CNTN4: variants seen among roughly 807,000 people sequenced by gnomAD.
CNTN4 encodes the protein contactin 4.
CNTN4 carries 77 observed loss-of-function variants against 122.5 expected under a neutral mutation model. That is an observed-to-expected ratio of 0.63 (90% CI 0.52 to 0.76). The LOEUF (loss-of-function observed/expected upper bound fraction) is 0.76. Ranked by LOEUF, CNTN4 falls within the 30% of genes least tolerant of loss-of-function variation. The pLI is 0.00. For missense variants in CNTN4, 1,256 were observed against 1,259.1 expected (o/e 1.00, Z 0.04); for synonymous variants, 512 against 447.0 (o/e 1.15, Z -1.83).
chr3:2,758,266 T>C (rs966484012), intron 6 of CNTN4, among the ~76,000 whole-genome samples: 1 of 152,180 alleles, frequency 6.6e-6, no homozygotes, highest in Non-Finnish European at 1.5e-5. Flanking sequence ...TGATAAGTGC[T>C]GAATAAATAT....
chr3:2,990,938 C>T (rs150283679), intron 14 of CNTN4, among the ~76,000 whole-genome samples: 85 of 152,180 alleles, frequency 5.6e-4, no homozygotes, highest in African/African-American at 2.0e-3. Flanking sequence ...CACTAGTTTT[C>T]CACTAACGGC....
At chr3:2,428,802 TC>T (rs1298387976) in intron 3 of CNTN4, among the ~76,000 whole-genome samples, 8 of 152,322 alleles carry the variant, frequency 5.3e-5, no homozygotes, top group Middle Eastern at 3.4e-3. Context: ...AAACTTCTCT[TC>T]TTGCTTCATT....
At chr3:2,971,906 T>C (rs1165120001) in intron 13 of CNTN4, among the ~76,000 whole-genome samples, 1 of 152,198 alleles carries the variant, frequency 6.6e-6, no homozygotes, top group African/African-American at 2.4e-5. Flanking sequence ...TTTTCGGAAG[T>C]GCACTTTACA....
intron 13 of CNTN4, among the ~76,000 whole-genome samples, chr3:2,968,061 C>G (rs1027900848): frequency 2.6e-4 from 39 of 152,188 alleles, no homozygotes; most frequent in African/African-American, 9.4e-4. Context: ...CAGATGGTAT[C>G]AGCTGGAACA....
chr3:2,769,750 A>T (rs986410787), intron 6 of CNTN4, among the ~76,000 whole-genome samples: 1 of 152,198 alleles, frequency 6.6e-6, no homozygotes, highest in Non-Finnish European at 1.5e-5. Context: ...CATACAGATG[A>T]TAGAATGGGT....
intron 2 of CNTN4, among the ~76,000 whole-genome samples, chr3:2,251,506 A>G (rs185663414): frequency 1.3e-5 from 2 of 152,012 alleles, no homozygotes; most frequent in South Asian, 2.1e-4. Context: ...TGCATAATCA[A>G]CGTCATTGAG....
At chr3:2,620,013 AAGT>A (rs55896750) in intron 4 of CNTN4, among the ~76,000 whole-genome samples, 152,236 of 152,238 alleles carry the variant, frequency 1, 76,117 homozygotes, top group Middle Eastern at 1. Flanking sequence ...ATATGTACCC[AAGT>A]AGTAGTAATA....
intron 3 of CNTN4, among the ~76,000 whole-genome samples, chr3:2,406,801 T>G (rs538558962): frequency 6.6e-6 from 1 of 152,286 alleles, no homozygotes; most frequent in African/African-American, 2.4e-5. Flanking sequence ...TGAAGTGATA[T>G]AAGTGTGGTT....
chr3:3,037,275 T>C lies in CNTN4; in HGVS notation c.2039T>C (p.Ile680Thr). The C allele has an allele frequency of 6.2e-7, 1 of 1,614,204 alleles. No homozygotes were observed. Among genetic ancestry groups the C allele is most frequent in the East Asian group, 2.2e-5 (1 of 44,886 alleles). Residue 680 changes from isoleucine to threonine, a missense_variant, in exon 18 of 25, where the codon ATT becomes ACT. Coordinates refer to ENST00000418658, the MANE Select transcript of CNTN4 (RefSeq NM_175607.3). The stretch of plus-strand genomic sequence containing the variant: ...TTCCGCACAGTTGCAGCCAACGTGA[T>C]TGGGATTGGGGAGCCCAGCCGCCCC... Reference protein sequence around the residue: ...YEFRTVAANVIGIGEPSRPSE... With the variant: ...YEFRTVAANVTGIGEPSRPSE...
At chr3:3,025,064 G>A (rs917596014) in intron 14 of CNTN4, among the ~76,000 whole-genome samples, 7 of 152,196 alleles carry the variant, frequency 4.6e-5, no homozygotes, top group African/African-American at 1.7e-4. Context: ...GCATGTATGC[G>A]GCCTTTACAT....
rs535610072 is a variant in CNTN4, at chr3:2,781,937, A to G, written c.358+36240A>G. ...ACGGGGCTTCACCGTGTTAGCCAGG[A>G]TGGTCTCGATCTCCTGACCTCGTGA... On this transcript the variant is annotated intron_variant, in intron 6 of 24. Transcript: ENST00000418658. Among the ~76,000 whole-genome samples the G allele has an allele frequency of 3.8e-4, 56 of 146,058 alleles. 1 individual carries two copies. In the South Asian group the frequency reaches 8.8e-3, roughly 23 times the overall value.
intron 14 of CNTN4, among the ~76,000 whole-genome samples, chr3:3,018,076 T>C (rs1379952084): frequency 6.6e-6 from 1 of 152,208 alleles, no homozygotes; most frequent in Non-Finnish European, 1.5e-5. Context: ...GATAGCTCCT[T>C]CAAAATGTAG....
At chr3:2,104,959 G>T (rs73112450) in intron 2 of CNTN4, among the ~76,000 whole-genome samples, 3,032 of 152,172 alleles carry the variant, frequency 0.02, 133 homozygotes, top group East Asian at 0.18. Flanking sequence ...GTGGGATTCC[G>T]TTTCCCATTT....
intron 4 of CNTN4, among the ~76,000 whole-genome samples, chr3:2,594,230 GT>G (rs5846195): frequency 0.97 from 147,423 of 151,796 alleles, 71,743 homozygotes; most frequent in Middle Eastern, 1. Context: ...GGAGAAACTG[GT>G]TTTTTTTTGA....
intron 14 of CNTN4, among the ~76,000 whole-genome samples, chr3:2,994,379 G>A (rs1051238381): frequency 6.6e-6 from 1 of 151,960 alleles, no homozygotes; most frequent in African/African-American, 2.4e-5. Context: ...TATACTTTAA[G>A]TAGCTTTAAT....
chr3:2,977,313 T>C (rs1042598167), intron 13 of CNTN4, among the ~76,000 whole-genome samples: 3 of 152,132 alleles, frequency 2.0e-5, no homozygotes, highest in Admixed American at 6.5e-5. Context: ...AAGTAAATAT[T>C]TATCACTTGG....
chr3:2,812,491 C>T (rs569607375), intron 6 of CNTN4, among the ~76,000 whole-genome samples: 1 of 152,070 alleles, frequency 6.6e-6, no homozygotes, highest in Non-Finnish European at 1.5e-5. Context: ...CAGCATCAAT[C>T]TTGACTTGAA....
intron 3 of CNTN4, among the ~76,000 whole-genome samples, chr3:2,415,499 C>T (rs185876114): frequency 6.6e-6 from 1 of 152,160 alleles, no homozygotes; most frequent in Non-Finnish European, 1.5e-5. Context: ...CATAACATTT[C>T]CAGGGACAGG....
intron 13 of CNTN4, among the ~76,000 whole-genome samples, chr3:2,943,631 T>TATATTTATATATATATATATATATATA (rs58830808): frequency 2.7e-5 from 1 of 37,442 alleles, no homozygotes; most frequent in Non-Finnish European, 7.9e-5. Context: ...TATATATATA[T>TATATTTATATATATATATATATATATA]TTTTTTTTTT....
Sources: gnomAD v4.1 joint callset for allele counts (sites outside exome capture counted in the v4.1 genomes callset) on GRCh38, gnomAD v4.1.1 for gene constraint, MANE v1.5 for transcripts, NCBI Gene and HGNC (gene_info 2026-07-23, HGNC 2026-07-21) for gene names.